ZCCHC7: variants seen among roughly 807,000 people sequenced by gnomAD.
The protein encoded by ZCCHC7 is zinc finger CCHC-type containing 7.
ZCCHC7 carries 35 observed loss-of-function variants against 52.0 expected under a neutral mutation model. The ratio of observed to expected loss-of-function variants is 0.67; its 90% CI spans 0.51 to 0.89. The LOEUF is 0.89. Among genes scored for constraint, ZCCHC7 ranks in the 40% least tolerant of loss-of-function variants. The pLI, the probability that ZCCHC7 is intolerant of heterozygous loss-of-function variation, is 0.00. For synonymous variants in ZCCHC7, 217 were observed against 221.5 expected, an observed-to-expected ratio of 0.98 and a Z score of 0.18; for missense variants, 574 against 649.1, an observed-to-expected ratio of 0.88 and a Z score of 1.26.
chr9:37,275,583 T>G (rs1827645222), intron 2 of ZCCHC7, among the ~76,000 whole-genome samples: 1 of 152,148 alleles, frequency 6.6e-6, no homozygotes, highest in African/African-American at 2.4e-5. Flanking sequence ...AGTAGAATTG[T>G]TTTTCCCTAT....
chr9:37,184,493 G>C (rs754661884), intron 2 of ZCCHC7, among the ~76,000 whole-genome samples: 6 of 151,344 alleles, frequency 4.0e-5, no homozygotes, highest in Non-Finnish European at 8.8e-5. Flanking sequence ...TCCTATTCCT[G>C]CTCTCCTGAT....
At chr9:37,311,257 ACCT>A (rs1829586766) in intron 5 of ZCCHC7, among the ~76,000 whole-genome samples, 1 of 151,834 alleles carries the variant, frequency 6.6e-6, no homozygotes, top group Non-Finnish European at 1.5e-5. Context: ...CAAAACCCAA[ACCT>A]CCTAAATTTC....
intron 5 of ZCCHC7, among the ~76,000 whole-genome samples, chr9:37,319,129 CTAA>C (rs1432067229): frequency 6.6e-6 from 1 of 151,666 alleles, no homozygotes; most frequent in Non-Finnish European, 1.5e-5. Context: ...TTTCTAATGG[CTAA>C]TAATGTTGAA....
At chr9:37,254,615 T>C (rs1417744509) in intron 2 of ZCCHC7, among the ~76,000 whole-genome samples, 1 of 152,016 alleles carries the variant, frequency 6.6e-6, no homozygotes. Flanking sequence ...AGATTACTTA[T>C]CTATAAAAAG....
intron 2 of ZCCHC7, among the ~76,000 whole-genome samples, chr9:37,153,120 A>C (rs1451742199): frequency 6.6e-6 from 1 of 151,542 alleles, no homozygotes; most frequent in Admixed American, 6.6e-5. Context: ...TTTTTTCCTT[A>C]ATTTTATTTT....
At chr9:37,300,475 G>A (rs1038866433) in intron 2 of ZCCHC7, among the ~76,000 whole-genome samples, 3 of 152,186 alleles carry the variant, frequency 2.0e-5, no homozygotes, top group African/African-American at 7.2e-5. Context: ...TCAGTACATG[G>A]ATACAGCCTC....
In ZCCHC7 at chr9:37,132,146, A is replaced by G. The variant is rs1404436814; in HGVS notation, c.610+5204A>G. On this transcript the variant is annotated intron_variant, in intron 2 of 8. Transcript: ENST00000336755. The stretch of plus-strand genomic sequence containing the variant: ...TGTAATTCTCATATATTAGAAAGGC[A>G]GATCTCCTGGTGGAAGAAAAGATGC... 2.6e-5 allele frequency among the ~76,000 whole-genome samples: 4 copies of G among 152,160 alleles called. No homozygotes were observed. The East Asian group carries it at 7.7e-4, about 29-fold the overall frequency.
chr9:37,276,319 T>G (rs1188401099), intron 2 of ZCCHC7, among the ~76,000 whole-genome samples: 3 of 152,218 alleles, frequency 2.0e-5, no homozygotes, highest in Non-Finnish European at 2.9e-5. Flanking sequence ...GCCTTTTCAC[T>G]CTCTTAATGG....
At chr9:37,267,161 A>G (rs1827144920) in intron 2 of ZCCHC7, among the ~76,000 whole-genome samples, 1 of 152,166 alleles carries the variant, frequency 6.6e-6, no homozygotes, top group Non-Finnish European at 1.5e-5. Context: ...GATAATTAGT[A>G]TAATATAAAA....
intron 2 of ZCCHC7, among the ~76,000 whole-genome samples, chr9:37,205,885 T>C (rs1823880953): frequency 6.9e-6 from 1 of 144,236 alleles, no homozygotes; most frequent in Admixed American, 7.0e-5. Context: ...TTTGTTGGAG[T>C]TTTTTTTTTT....
intron 2 of ZCCHC7, among the ~76,000 whole-genome samples, chr9:37,167,472 G>A (rs1433963238): frequency 6.6e-6 from 1 of 152,026 alleles, no homozygotes; most frequent in African/African-American, 2.4e-5. Context: ...GAATATAGTT[G>A]TAACAATGGT....
chr9:37,310,568 A>G (rs1829540597), intron 5 of ZCCHC7, among the ~76,000 whole-genome samples: 1 of 152,182 alleles, frequency 6.6e-6, no homozygotes, highest in Non-Finnish European at 1.5e-5. Context: ...GAGACATTAC[A>G]AGGTTAATAA....
At chr9:37,173,290 C>A (rs1821841387) in intron 2 of ZCCHC7, among the ~76,000 whole-genome samples, 1 of 152,220 alleles carries the variant, frequency 6.6e-6, no homozygotes, top group African/African-American at 2.4e-5. Flanking sequence ...TCTCTTTCAA[C>A]CTCTTATGAC....
intron 8 of ZCCHC7, among the ~76,000 whole-genome samples, chr9:37,355,805 G>A (rs894043145): frequency 6.6e-6 from 1 of 152,162 alleles, no homozygotes; most frequent in Non-Finnish European, 1.5e-5. Context: ...GACCCACGTA[G>A]TTCAAACTCA....
chr9:37,181,252 A>G (rs533036359), intron 2 of ZCCHC7, among the ~76,000 whole-genome samples: 9 of 152,206 alleles, frequency 5.9e-5, no homozygotes, highest in Non-Finnish European at 1.0e-4. Flanking sequence ...TCACTTGTCC[A>G]GATGATATTT....
chr9:37,151,298 A>G (rs1820513150), intron 2 of ZCCHC7, among the ~76,000 whole-genome samples: 1 of 152,170 alleles, frequency 6.6e-6, no homozygotes, highest in Non-Finnish European at 1.5e-5. Flanking sequence ...ATTTGAAGTC[A>G]GAAAGAAATT....
chr9:37,251,706 G>A (rs922947051), intron 2 of ZCCHC7, among the ~76,000 whole-genome samples: 2 of 152,166 alleles, frequency 1.3e-5, no homozygotes, highest in African/African-American at 2.4e-5. Context: ...GCTTGCCGAC[G>A]CAGATGGTCC....
chr9:37,126,068 C>T (rs531085572), intron 1 of ZCCHC7, among the ~76,000 whole-genome samples: 1 of 152,236 alleles, frequency 6.6e-6, no homozygotes, highest in South Asian at 2.1e-4. Flanking sequence ...AGAGTGTTGA[C>T]TGTGTTTCCA....
intron 2 of ZCCHC7, among the ~76,000 whole-genome samples, chr9:37,139,294 C>T (rs1279798394): frequency 1.3e-5 from 2 of 151,870 alleles, no homozygotes; most frequent in Non-Finnish European, 2.9e-5. Context: ...GTTGATTGTG[C>T]AAATAGTTAA....
Sources: gnomAD v4.1 joint callset for allele counts (sites outside exome capture counted in the v4.1 genomes callset) on GRCh38, gnomAD v4.1.1 for gene constraint, MANE v1.5 for transcripts, NCBI Gene and HGNC (gene_info 2026-07-23, HGNC 2026-07-21) for gene names.